The following PDCD6 variants were observed in gnomAD, a reference collection of about 807,000 sequenced individuals.
The protein encoded by PDCD6 is programmed cell death protein 6.
PDCD6 carries 12 observed loss-of-function variants against 28.3 expected under a neutral mutation model. That is an observed-to-expected ratio of 0.42 (90% confidence interval 0.27 to 0.69). The LOEUF (loss-of-function observed/expected upper bound fraction) is 0.69, where lower values mean the gene tolerates loss of function less well. Among genes scored for constraint, PDCD6 ranks in the 30% least tolerant of loss-of-function variants. PDCD6 has a pLI of 0.22. For synonymous variants in PDCD6, 92 were observed against 108.0 expected (o/e 0.85, Z 0.92); for missense variants, 226 against 269.9 (o/e 0.84, Z 1.14).
intron 1 of PDCD6, 57 bp downstream of exon 1, chr5:271,878 T>G: frequency 3.2e-6 from 3 of 939,038 alleles, no homozygotes; most frequent in East Asian, 3.3e-5. Context: ...CCCCGACCCC[T>G]GTCCCGACTC....
chr5:288,516 C>T (rs908833768), intron 2 of PDCD6, among the ~76,000 whole-genome samples: 1 of 150,732 alleles, frequency 6.6e-6, no homozygotes, highest in East Asian at 1.9e-4. Flanking sequence ...AAAAACTTTT[C>T]AAAATTATGA....
At chr5:310,064 A>G (rs1740806875) in intron 4 of PDCD6, 1 of 252,968 alleles carries the variant, frequency 4.0e-6, no homozygotes, top group South Asian at 3.5e-5. Flanking sequence ...ACTCCCAGAC[A>G]GGCAATGTCC....
chr5:271,883 C>T lies in PDCD6; in HGVS notation c.101+62C>T, dbSNP rs1458005370. Reference sequence around the variant, plus strand: ...GCCGCGGCGGCCCCGACCCCTGTCCCGACTCCCCCGACCAACCCCGTTCCC... The same window carrying T: ...GCCGCGGCGGCCCCGACCCCTGTCCTGACTCCCCCGACCAACCCCGTTCCC... On this transcript the variant is annotated intron_variant, in intron 1 of 5. Coordinates refer to ENST00000264933, the MANE Select transcript of PDCD6 (RefSeq NM_013232.4). The T allele has an allele frequency of 1.8e-5, 16 of 874,338 alleles. No individual in the cohort carries two copies. The East Asian group carries it at 4.2e-4, about 23-fold the overall frequency. 54.2% of individuals were successfully genotyped at this position (874,338 alleles called of 1,614,324 possible).
intron 2 of PDCD6, among the ~76,000 whole-genome samples, chr5:281,897 G>A (rs796286993): frequency 1.3e-3 from 168 of 126,838 alleles, no homozygotes; most frequent in African/African-American, 5.0e-3. Flanking sequence ...CTGAAGACTC[G>A]GGGAGGAGCT....
rs111451538 is a variant in PDCD6 at position 306,692 on chromosome 5, G to A, written c.299G>A (p.Arg100His). 984 of 1,614,030 alleles carry A rather than the reference G, an allele frequency of 6.1e-4. 4 individuals carry two copies. The highest frequency in any genetic ancestry group is 7.5e-4 in the Non-Finnish European group (881 of 1,180,006). Residue 100 changes from arginine (R) to histidine (H), a missense_variant, in exon 4 of 6, where the codon CGC becomes CAC. Arg to His is a conservative substitution (Grantham distance 29, BLOSUM62 0). Around this residue, in one of 3 missense-constraint regions of PDCD6, gnomAD observed 151 missense variants for 177.2 expected, o/e 0.85. Transcript: ENST00000264933. Reference sequence around the variant, plus strand: ...ATCACGGACTGGCAGAACGTCTTCCGCACGTACGACCGGGACAACTCCGGG... The same window carrying A: ...ATCACGGACTGGCAGAACGTCTTCCACACGTACGACCGGGACAACTCCGGG... Reference protein sequence around the residue: ...KYITDWQNVFRTYDRDNSGMI... With the variant: ...KYITDWQNVFHTYDRDNSGMI...
chr5:275,013 T>C (rs1404031200), intron 2 of PDCD6, among the ~76,000 whole-genome samples: 3 of 151,840 alleles, frequency 2.0e-5, no homozygotes, highest in African/African-American at 7.3e-5. Flanking sequence ...GTGGTCCCAA[T>C]GGAGTCACTT....
At chr5:294,581 C>G (rs1333374604) in intron 2 of PDCD6, among the ~76,000 whole-genome samples, 2 of 152,260 alleles carry the variant, frequency 1.3e-5, no homozygotes, top group Non-Finnish European at 2.9e-5. Flanking sequence ...AACTGGGACC[C>G]TCATAAGCTG....
chr5:276,852 T>G (rs554753416), intron 2 of PDCD6: 2 of 985,252 alleles, frequency 2.0e-6, no homozygotes, highest in East Asian at 2.3e-4. Flanking sequence ...CTGCTAAAAA[T>G]TACTGCTCTC....
intron 2 of PDCD6, among the ~76,000 whole-genome samples, chr5:284,701 C>A (rs1479201351): frequency 8.3e-6 from 1 of 121,194 alleles, no homozygotes; most frequent in Admixed American, 8.1e-5. Flanking sequence ...AGCTGGAGAC[C>A]CAGGAGGGAG....
At chr5:291,896 C>G (rs901653868) in intron 2 of PDCD6, among the ~76,000 whole-genome samples, 2 of 152,248 alleles carry the variant, frequency 1.3e-5, no homozygotes, top group African/African-American at 4.8e-5. Context: ...CAAGTTGCTT[C>G]TGGTCAGTAG....
intron 2 of PDCD6, among the ~76,000 whole-genome samples, chr5:278,038 G>A (rs542496214): frequency 1.1e-4 from 17 of 151,978 alleles, no homozygotes; most frequent in South Asian, 2.1e-4. Flanking sequence ...CTCAGGTTCC[G>A]CCTAAGCCTC....
intron 2 of PDCD6, among the ~76,000 whole-genome samples, chr5:302,070 CTG>C (rs369323059): frequency 0.022 from 1,291 of 57,644 alleles, 43 homozygotes; most frequent in East Asian, 0.06. Flanking sequence ...GAGTGCTGCT[CTG>C]TGTGTGTGTG....
chr5:303,603 G>T lies in PDCD6; in HGVS notation c.164-574G>T, dbSNP rs1376850939. On this transcript the variant is annotated intron_variant, in intron 2 of 5. Coordinates refer to ENST00000264933, the MANE Select transcript of PDCD6 (RefSeq NM_013232.4). ...GCCCAGACCGTAATTTGTCAGGAAT[G>T]TTTGAAGTGTGGTGTGATGGATGTC... Among the ~76,000 whole-genome samples the T allele has an allele frequency of 8.0e-4, 121 of 151,334 alleles. 1 individual carries two copies. The highest frequency in any genetic ancestry group is 2.4e-3 in the Admixed American group (37 of 15,248).
chr5:300,600 G>C (rs574227751), intron 2 of PDCD6, among the ~76,000 whole-genome samples: 1 of 152,224 alleles, frequency 6.6e-6, no homozygotes, highest in Non-Finnish European at 1.5e-5. Flanking sequence ...GTTTTCAGGC[G>C]GTTGCCCAGG....
rs148124045 is a variant in PDCD6 at position 314,572 on chromosome 5, C to G, written c.*57C>G. On this transcript the variant is annotated 3_prime_UTR_variant, in exon 6 of 6. Coordinates refer to ENST00000264933, the MANE Select transcript of PDCD6 (RefSeq NM_013232.4). ...GGAAAGAGCCAAAATGTCACAGTTC[C>G]TATCTGTGAGGGAATGGAGCACAGG... The G allele has an allele frequency of 8.1e-7, 1 of 1,234,184 alleles. No homozygotes were observed. Among genetic ancestry groups the G allele is most frequent in the Non-Finnish European group, 1.2e-6 (1 of 836,432 alleles). 76.5% of individuals were successfully genotyped at this position (1,234,184 alleles called of 1,614,324 possible). A position where few individuals can be genotyped will look rare whatever the true frequency, so the allele number is the denominator to read the frequency against.
chr5:276,524 C>T, intron 2 of PDCD6: 2 of 976,446 alleles, frequency 2.0e-6, no homozygotes, highest in Non-Finnish European at 1.2e-6. Flanking sequence ...TGGTCTCAAA[C>T]TCCTAGGCTC....
chr5:294,088 G>A (rs151177144), intron 2 of PDCD6, among the ~76,000 whole-genome samples: 1,514 of 150,598 alleles, frequency 0.01, 18 homozygotes, highest in African/African-American at 0.035. Context: ...AGAACATAAC[G>A]CTATAAAACC....
At chr5:297,631 C>T (rs1042555475) in intron 2 of PDCD6, among the ~76,000 whole-genome samples, 5 of 152,198 alleles carry the variant, frequency 3.3e-5, no homozygotes, top group African/African-American at 4.8e-5. Context: ...GGCTTCCTTG[C>T]ACCTGTGCCC....
intron 5 of PDCD6, among the ~76,000 whole-genome samples, chr5:312,794 A>G (rs1295007749): frequency 2.6e-5 from 4 of 152,226 alleles, no homozygotes; most frequent in African/African-American, 9.6e-5. Flanking sequence ...TGGGTGACAG[A>G]GCCAGACCCT....
Sources: gnomAD v4.1 joint callset for allele counts (sites outside exome capture counted in the v4.1 genomes callset) on GRCh38, gnomAD v4.1.1 for gene constraint, gnomAD v4.1.1 regional missense constraint, MANE v1.5 for transcripts, NCBI Gene and HGNC (gene_info 2026-07-23, HGNC 2026-07-21) for gene names.